The following NPAS3 variants were observed in gnomAD, a reference collection of about 807,000 sequenced individuals.
NPAS3 encodes the protein neuronal PAS domain-containing protein 3.
NPAS3 carries 14 observed loss-of-function variants against 73.1 expected under a neutral mutation model. The observed-to-expected ratio is 0.19, with a 90% confidence interval of 0.13 to 0.30. NPAS3 has a LOEUF of 0.30. Ranked by LOEUF, NPAS3 falls within the 10% of genes least tolerant of loss-of-function variation. NPAS3 has a pLI of 1.00. For missense variants in NPAS3, 1,096 were observed against 1,250.0 expected, an observed-to-expected ratio of 0.88 and a Z score of 1.86; for synonymous variants, 620 against 541.5, an observed-to-expected ratio of 1.14 and a Z score of -2.01.
chr14:33,145,947 A>C (rs529373057), intron 2 of NPAS3, among the ~76,000 whole-genome samples: 1 of 152,184 alleles, frequency 6.6e-6, no homozygotes, highest in African/African-American at 2.4e-5. Flanking sequence ...GAAGAATGAA[A>C]GAGTGTGCCT....
rs199868503 is a variant in NPAS3, at chr14:33,765,680, TA to T, written c.853-8654del. ...ATTTTTTTAAGTACAGCTTTAATCA[TA>T]AATATATGTTCATCTTTCTTTGCTC... On this transcript the variant is annotated intron_variant, in intron 7 of 11. Coordinates refer to ENST00000356141, the Ensembl canonical transcript of NPAS3. Among the ~76,000 whole-genome samples, 894 of 152,342 alleles carry T rather than the reference TA, an allele frequency of 5.9e-3. 7 individuals are homozygous for T. Among genetic ancestry groups the T allele is most frequent in the African/African-American group, 0.02 (835 of 41,582 alleles).
At chr14:33,538,077 A>T (rs2054336162) in intron 4 of NPAS3, among the ~76,000 whole-genome samples, 1 of 152,016 alleles carries the variant, frequency 6.6e-6, no homozygotes. Context: ...CGAATTAATG[A>T]ATATATGAGT....
chr14:33,593,010 G>A (rs763474470), intron 5 of NPAS3, among the ~76,000 whole-genome samples: 4 of 152,086 alleles, frequency 2.6e-5, no homozygotes, highest in Admixed American at 6.6e-5. Context: ...TCTCGTAGAA[G>A]GTAAAGCTTG....
intron 3 of NPAS3, among the ~76,000 whole-genome samples, chr14:33,315,629 G>A (rs530608575): frequency 2.3e-4 from 35 of 151,996 alleles, no homozygotes; most frequent in African/African-American, 8.4e-4. Flanking sequence ...TGAACAGGGA[G>A]AGAGAGAGGC....
In NPAS3 at chr14:33,649,589, T is replaced by C. The variant is rs370781973; in HGVS notation, c.559-26622T>C. Among the ~76,000 whole-genome samples, 13 of 152,360 alleles carry C rather than the reference T, an allele frequency of 8.5e-5. No individual in the cohort carries two copies. The South Asian group carries it at 1.2e-3, about 15-fold the overall frequency. On this transcript the variant is annotated intron_variant, in intron 5 of 11. Coordinates refer to ENST00000356141, the Ensembl canonical transcript of NPAS3. ...ATTGTAAGTTGGTTATTGTGTCGGA[T>C]GCATACTTTGAAACTTAACTTTTTT...
chr14:33,680,728 G>A (rs921783551), intron 6 of NPAS3: 5 of 684,826 alleles, frequency 7.3e-6, no homozygotes, highest in Middle Eastern at 4.7e-4. Flanking sequence ...TTTTGGGTGG[G>A]TGTGAGTTCA....
intron 3 of NPAS3, among the ~76,000 whole-genome samples, chr14:33,357,724 G>GACTGAGACTCAGTACATATTT (rs2045404238): frequency 6.6e-6 from 1 of 152,126 alleles, no homozygotes; most frequent in Non-Finnish European, 1.5e-5. Context: ...CTGGGGTTTC[G>GACTGAGACTCAGTACATATTT]GCAAAGCACA....
chr14:33,314,373 G>A (rs1341042487), intron 3 of NPAS3, among the ~76,000 whole-genome samples: 1 of 152,042 alleles, frequency 6.6e-6, no homozygotes, highest in African/African-American at 2.4e-5. Context: ...CACAGACTAG[G>A]TATGTGACCT....
intron 7 of NPAS3, among the ~76,000 whole-genome samples, chr14:33,769,745 A>ATTTTTTTTTTTT (rs5807743): frequency 2.9e-5 from 3 of 103,352 alleles, no homozygotes; most frequent in Non-Finnish European, 5.6e-5. Context: ...AAAGACTTGG[A>ATTTTTTTTTTTT]TTTTTTTTTT....
At chr14:33,732,567 T>A (rs2061426987) in intron 6 of NPAS3, among the ~76,000 whole-genome samples, 1 of 152,200 alleles carries the variant, frequency 6.6e-6, no homozygotes, top group Admixed American at 6.5e-5. Context: ...TAGGAAGTCA[T>A]ATGGAATTTC....
chr14:33,506,926 A>G (rs1259075011), intron 4 of NPAS3, among the ~76,000 whole-genome samples: 1 of 152,042 alleles, frequency 6.6e-6, no homozygotes, highest in African/African-American at 2.4e-5. Flanking sequence ...ATTCAATTGT[A>G]AACTTTTGAA....
chr14:33,280,638 A>G (rs2041560067), intron 3 of NPAS3, among the ~76,000 whole-genome samples: 1 of 152,236 alleles, frequency 6.6e-6, no homozygotes, highest in African/African-American at 2.4e-5. Flanking sequence ...TGAAAGTGTT[A>G]AGGAAGTACA....
chr14:33,335,621 TG>T (rs2044191109), intron 3 of NPAS3, among the ~76,000 whole-genome samples: 1 of 152,166 alleles, frequency 6.6e-6, no homozygotes, highest in Non-Finnish European at 1.5e-5. Context: ...CAGGCCAGTT[TG>T]CATCATACTG....
chr14:33,037,342 C>G (rs1214259629), intron 1 of NPAS3, among the ~76,000 whole-genome samples: 1 of 151,834 alleles, frequency 6.6e-6, no homozygotes, highest in Non-Finnish European at 1.5e-5. Context: ...ATGAATCCTA[C>G]TGTATATATT....
intron 4 of NPAS3, among the ~76,000 whole-genome samples, chr14:33,491,657 T>C (rs1051067980): frequency 6.6e-6 from 1 of 152,194 alleles, no homozygotes; most frequent in Non-Finnish European, 1.5e-5. Flanking sequence ...AGTTGTTTGG[T>C]TCACCTTCAG....
rs562442036 is a variant in NPAS3, at chr14:33,292,365, C to T, written c.386-74821C>T. Among the ~76,000 whole-genome samples, 10 of 152,256 alleles carry T rather than the reference C, an allele frequency of 6.6e-5. 1 individual carries two copies. The highest frequency in any genetic ancestry group is 1.3e-4 in the Admixed American group (2 of 15,290). On this transcript the variant is annotated intron_variant, in intron 3 of 11. Coordinates refer to ENST00000356141, the Ensembl canonical transcript of NPAS3. ...CCCTAGATCTGGGCTCTGTCCTCGA[C>T]GTTTTCTGAGAATCCTTGCCTGGAC...
chr14:33,579,220 G>C (rs758261384), intron 5 of NPAS3, among the ~76,000 whole-genome samples: 2 of 152,212 alleles, frequency 1.3e-5, no homozygotes, highest in Non-Finnish European at 2.9e-5. Flanking sequence ...TGAAGAAAAT[G>C]AATTCTAGGG....
chr14:33,284,906 C>T (rs1209452515), intron 3 of NPAS3, among the ~76,000 whole-genome samples: 1 of 152,130 alleles, frequency 6.6e-6, no homozygotes, highest in Non-Finnish European at 1.5e-5. Context: ...AGTACCCCGC[C>T]TGCAGTCCTG....
intron 7 of NPAS3, among the ~76,000 whole-genome samples, chr14:33,746,191 A>ATTTTTTTT (rs1386290214): frequency 1.0e-4 from 15 of 149,388 alleles, no homozygotes; most frequent in African/African-American, 3.8e-4. Context: ...TTATTTATTT[A>ATTTTTTTT]TTTATTTATT....
Sources: allele counts gnomAD v4.1 joint callset (sites outside exome capture counted in the v4.1 genomes callset), GRCh38; gene constraint gnomAD v4.1.1; transcripts MANE v1.5; gene names NCBI Gene and HGNC (gene_info 2026-07-23, HGNC 2026-07-21).